The following TAFA3 variants were observed in gnomAD, a reference collection of about 807,000 sequenced individuals.
The protein encoded by TAFA3 is chemokine-like protein TAFA-3.
In TAFA3, 17 loss-of-function variants were observed where a neutral mutation model predicts 20.7. The observed-to-expected ratio is 0.82, with a 90% CI of 0.56 to 1.23. The LOEUF (loss-of-function observed/expected upper bound fraction) is 1.23. Ranked by LOEUF, TAFA3 falls within the 50% of genes most tolerant of loss-of-function variation. The pLI is 0.00. For synonymous variants in TAFA3, 74 were observed against 71.8 expected, an observed-to-expected ratio of 1.03 and a Z score of -0.16; for missense variants, 174 against 172.8, an observed-to-expected ratio of 1.01 and a Z score of -0.04.
intron 2 of TAFA3, among the ~76,000 whole-genome samples, chr1:112,721,366 C>T (rs763823869): frequency 1.4e-4 from 21 of 152,190 alleles, no homozygotes; most frequent in Admixed American, 5.9e-4. Context: ...CTCTGTTGCC[C>T]AGGCTGGAGT....
At chr1:112,722,419 C>T in intron 3 of TAFA3, 71 bp downstream of exon 3, 4 of 1,316,778 alleles carry the variant, frequency 3.0e-6, no homozygotes, top group Non-Finnish European at 4.3e-6. Context: ...ACCACTCCAC[C>T]GTGTTCCATA....
chr1:112,723,914 G>A, intron 4 of TAFA3, 99 bp from the exon 5 acceptor site: 2 of 1,611,418 alleles, frequency 1.2e-6, no homozygotes, highest in Non-Finnish European at 1.7e-6. Flanking sequence ...TCAAGGCCAG[G>A]GGTGTGTGGA....
chr1:112,724,268 G>T (rs1283942240), intron 5 of TAFA3, 131 bp downstream of exon 5: 3 of 849,620 alleles, frequency 3.5e-6, no homozygotes, highest in Non-Finnish European at 5.4e-6. Context: ...GAAATTCACA[G>T]ACAGTCCTCT....
chr1:112,723,028 A>AG lies in TAFA3; in HGVS notation c.131dup (p.Thr45HisfsTer66), dbSNP rs1444321229. ...CGGCTCCCCTCAGTGCTTGTGCAGC[A>AG]GGGCACCTGCGAGGTGATTGCGGCT... is the stretch of plus-strand genomic sequence containing the variant. On this transcript the variant is annotated frameshift_variant, in exon 4 of 6. Coordinates refer to ENST00000361886, the MANE Select transcript of TAFA3 (RefSeq NM_182759.3). LOFTEE classifies it high-confidence loss of function. 2 of 1,612,334 alleles carry AG rather than the reference A, an allele frequency of 1.2e-6. No individual in the cohort carries two copies. The highest frequency in any genetic ancestry group is 2.2e-5 in the South Asian group (2 of 90,868).
At chr1:112,722,118 G>A in intron 2 of TAFA3, 115 bp from the exon 3 acceptor site, 1 of 1,042,904 alleles carries the variant, frequency 9.6e-7, no homozygotes, top group Non-Finnish European at 1.5e-6. Flanking sequence ...CTGGGGACAA[G>A]GTGTGCCTCC....
At chr1:112,722,117 A>G in intron 2 of TAFA3, 116 bp from the exon 3 acceptor site, 1 of 1,020,594 alleles carries the variant, frequency 9.8e-7, no homozygotes, top group East Asian at 2.4e-5. Context: ...CCTGGGGACA[A>G]GGTGTGCCTC....
rs538277150 is a variant in TAFA3 at position 112,724,061 on chromosome 1, C to T, written c.314C>T (p.Pro105Leu). 1.4e-5 allele frequency: 23 copies of T among 1,613,746 alleles called. No homozygotes were observed. Among genetic ancestry groups the T allele is most frequent in the African/African-American group, 1.3e-4 (10 of 74,992 alleles). ...RWWCQMEPCL[P>L]GEECKVLPDL... ...TGGTGTCAGATGGAGCCCTGCCTGCCGGGGGAGGAGTGTAAGGTGCTCCCG... is the reference window on the plus strand; with the variant it reads ...TGGTGTCAGATGGAGCCCTGCCTGCTGGGGGAGGAGTGTAAGGTGCTCCCG... Residue 105 changes from proline to leucine, a missense_variant, in exon 5 of 6, where the codon CCG becomes CTG. Transcript: ENST00000361886.
At position 112,726,908 on chromosome 1, in the gene TAFA3, A is replaced by G. The variant is rs959665822; in HGVS notation, c.*268A>G. On this transcript the variant is annotated 3_prime_UTR_variant, in exon 6 of 6. Transcript: ENST00000361886. ...TAAGGAATGTCCAGTTGAATTGGAG[A>G]GTTGATGACAGACAATTTAGATAAT... 3.8e-6 allele frequency: 2 copies of G among 519,718 alleles called. No homozygotes were observed. The highest frequency in any genetic ancestry group is 3.2e-5 in the East Asian group (1 of 31,070). The allele number at this position is 519,718 out of a possible 1,614,324, so 32.2% of individuals were successfully genotyped here.
In TAFA3 at chr1:112,726,484, A is replaced by G. The variant is rs1455032437; in HGVS notation, c.391-145A>G. 4 of 791,866 alleles carry G rather than the reference A, an allele frequency of 5.1e-6. No homozygotes were observed. The East Asian group carries it at 8.1e-5, about 16-fold the overall frequency. The allele number at this position is 791,866 out of a possible 1,614,324, so 49.1% of individuals were successfully genotyped here. ...GTATGTTTGCATGGGTCACCAGGCC[A>G]TGCTTTCCCATTCCGGCCTGCTTTA... On this transcript the variant is annotated intron_variant, in intron 5 of 5. Transcript: ENST00000361886.
intron 5 of TAFA3, among the ~76,000 whole-genome samples, chr1:112,724,747 C>T (rs61818825): frequency 0.1 from 12,520 of 124,546 alleles, 831 homozygotes; most frequent in Non-Finnish European, 0.14. Context: ...AACTAACCTG[C>T]ACAATGTGCA....
Position 112,723,165 on chromosome 1 carries a change from G to T in TAFA3, c.265G>T (p.Ala89Ser). The T allele has an allele frequency of 6.2e-7, 1 of 1,612,322 alleles. No individual in the cohort carries two copies. The highest frequency in any genetic ancestry group is 1.1e-5 in the South Asian group (1 of 90,810). Residue 89 changes from alanine (A) to serine (S), a missense_variant and splice_region_variant, in exon 4 of 6, where the codon GCC becomes TCC. Transcript: ENST00000361886. ...GCGGGCAAAGCCCTCCTGCGTGGACGGTGAGTGAGAGGCCAGGACCCGGGC... is the reference window on the plus strand; with the variant it reads ...GCGGGCAAAGCCCTCCTGCGTGGACTGTGAGTGAGAGGCCAGGACCCGGGC... ...TTRAKPSCVD[A>S]SIVLQRWWCQ...
At position 112,723,087 on chromosome 1, in the gene TAFA3, C is replaced by G. The variant is rs144246192; in HGVS notation, c.187C>G (p.Arg63Gly). 4 of 1,613,074 alleles carry G rather than the reference C, an allele frequency of 2.5e-6. No homozygotes were observed. The highest frequency in any genetic ancestry group is 3.4e-6 in the Non-Finnish European group (4 of 1,179,670). Residue 63 changes from arginine (R) to glycine (G), a missense_variant, in exon 4 of 6, where the codon CGC (arginine) becomes GGC (glycine). Arg to Gly is a moderately radical substitution (Grantham distance 125). Coordinates refer to ENST00000361886, the MANE Select transcript of TAFA3 (RefSeq NM_182759.3). ...RCCNRNRIEE[R>G]SQTVKCSCFS... The stretch of plus-strand genomic sequence containing the variant: ...CTGCAACCGGAACCGCATCGAGGAG[C>G]GCTCCCAGACGGTGAAATGCTCCTG...
In TAFA3 at chr1:112,726,976, CA is replaced by C; in HGVS notation, c.*337del. ...ATACCAGACTGCGGCTTCTGGGCCA[CA>C]TGCTATGGCATGATGGGGGTTTGGG... On this transcript the variant is annotated 3_prime_UTR_variant, in exon 6 of 6. Transcript: ENST00000361886. The C allele has an allele frequency of 3.1e-6, 1 of 317,662 alleles. No individual in the cohort carries two copies. The highest frequency in any genetic ancestry group is 5.9e-6 in the Non-Finnish European group (1 of 169,484). The allele number at this position is 317,662 out of a possible 1,614,324, so 19.7% of individuals were successfully genotyped here.
Position 112,722,269 on chromosome 1 carries a change from C to A in TAFA3, c.36C>A (p.Gly12=). ...GGGTCGAGCGGAACTGGAGCACGGG[C>A]GGCTGGCTGCTGGCACTGTGCCTGG... ...SERVERNWST[G]GWLLALCLAW... The change falls in exon 3 of 6, where the codon GGC becomes GGA. Residue 12 remains glycine (G), a synonymous_variant. Coordinates refer to ENST00000361886, the MANE Select transcript of TAFA3 (RefSeq NM_182759.3). 1 of 1,614,084 alleles carries A rather than the reference C, an allele frequency of 6.2e-7. No individual in the cohort carries two copies. The highest frequency in any genetic ancestry group is 1.1e-5 in the South Asian group (1 of 91,076).
intron 5 of TAFA3, among the ~76,000 whole-genome samples, chr1:112,726,190 T>C (rs1459390971): frequency 1.3e-5 from 2 of 152,074 alleles, no homozygotes; most frequent in Non-Finnish European, 2.9e-5. Context: ...CTTTGGCTTC[T>C]GAAGAGAGCA....
chr1:112,721,319 C>A (rs77485100), intron 2 of TAFA3, among the ~76,000 whole-genome samples: 1 of 152,088 alleles, frequency 6.6e-6, no homozygotes, highest in African/African-American at 2.4e-5. Flanking sequence ...TTCCTTTATA[C>A]ACATTTTATT....
Position 112,719,023 on chromosome 1 carries a change from A to G in TAFA3, c.-336A>G, listed in dbSNP as rs1484072312. Among the ~76,000 whole-genome samples the G allele has an allele frequency of 6.6e-6, 1 of 152,202 alleles. No homozygotes were observed. Among genetic ancestry groups the G allele is most frequent in the Admixed American group, 6.5e-5 (1 of 15,290 alleles). On this transcript the variant is annotated 5_prime_UTR_variant, in exon 1 of 6. Coordinates refer to ENST00000361886, the MANE Select transcript of TAFA3 (RefSeq NM_182759.3). ...CCCGGCCTGCCGGCAGGAACCTTGG[A>G]AAAAACCCGGCTGAGTTCTGCAGAG...
Position 112,726,867 on chromosome 1 carries a change from A to C in TAFA3, c.*227A>C, listed in dbSNP as rs1224413520. 1 of 592,502 alleles carries C rather than the reference A, an allele frequency of 1.7e-6. No homozygotes were observed. The allele number at this position is 592,502 out of a possible 1,614,324, so 36.7% of individuals were successfully genotyped here. A position where few individuals can be genotyped will look rare whatever the true frequency, so the allele number is the denominator to read the frequency against. On this transcript the variant is annotated 3_prime_UTR_variant, in exon 6 of 6. Coordinates refer to ENST00000361886, the MANE Select transcript of TAFA3 (RefSeq NM_182759.3). ...CTTTTCTGGAGACACGAAGGTCAACACACAATTCCTGCCCTTAAGGAATGT... is the reference window on the plus strand; with the variant it reads ...CTTTTCTGGAGACACGAAGGTCAACCCACAATTCCTGCCCTTAAGGAATGT...
chr1:112,720,840 A>G (rs4450018), intron 2 of TAFA3, among the ~76,000 whole-genome samples: 2 of 151,972 alleles, frequency 1.3e-5, no homozygotes, highest in Non-Finnish European at 2.9e-5. Context: ...TGCTCCCTTC[A>G]ATGGCTGGGC....
Sources: gnomAD v4.1 joint callset for allele counts (sites outside exome capture counted in the v4.1 genomes callset) on GRCh38, gnomAD v4.1.1 for gene constraint, MANE v1.5 for transcripts, NCBI Gene and HGNC (gene_info 2026-07-23, HGNC 2026-07-21) for gene names.